RYR2: variants seen among roughly 807,000 people sequenced by gnomAD.
The protein encoded by RYR2 is cardiac muscle ryanodine receptor-calcium release channel.
RYR2 carries 227 observed loss-of-function variants against 601.1 expected under a neutral mutation model. That is an observed-to-expected ratio of 0.38 (90% CI 0.34 to 0.42). RYR2 has a LOEUF of 0.42. Among genes scored for constraint, RYR2 ranks in the 10% least tolerant of loss-of-function variants. RYR2 has a pLI of 1.00. For missense variants in RYR2, 4,646 were observed against 6,156.5 expected, an observed-to-expected ratio of 0.75 and a Z score of 8.21; for synonymous variants, 2,223 against 2,175.1, an observed-to-expected ratio of 1.02 and a Z score of -0.61.
chr1:237,543,077 A>C (rs556913264), intron 25 of RYR2, among the ~76,000 whole-genome samples: 12 of 152,316 alleles, frequency 7.9e-5, no homozygotes, highest in African/African-American at 2.9e-4. Context: ...AGAGATTTTA[A>C]TATCACAAGG....
chr1:237,791,873 C>T lies in RYR2; in HGVS notation c.13564-232C>T, dbSNP rs184838470. The T allele has an allele frequency of 4.9e-3, 2,822 of 581,710 alleles. 12 individuals carry two copies. The highest frequency in any genetic ancestry group is 4.7e-3 in the Non-Finnish European group (1,537 of 327,718). The allele number at this position is 581,710 out of a possible 1,614,324, so 36.0% of individuals were successfully genotyped here. A position where few individuals can be genotyped will look rare whatever the true frequency, so the allele number is the denominator to read the frequency against. ...CTTAGCCATCTAATTTTTTAGCATG[C>T]ATTGGAATCCTCAGAATTTTTGGTT... On this transcript the variant is annotated intron_variant, in intron 93 of 104. Transcript: ENST00000366574.
rs538410605 is a variant in RYR2 at position 237,387,448 on chromosome 1, G to A, written c.676+68G>A. 4.5e-5 allele frequency: 62 copies of A among 1,370,828 alleles called. 1 individual carries two copies. The South Asian group carries it at 7.0e-4, about 15-fold the overall frequency. The allele number at this position is 1,370,828 out of a possible 1,614,324, so 84.9% of individuals were successfully genotyped here. On this transcript the variant is annotated intron_variant, in intron 9 of 104. Coordinates refer to ENST00000366574, the MANE Select transcript of RYR2 (RefSeq NM_001035.3). Reference sequence around the variant, plus strand: ...AGTTGACAGTCATCTTTGGAATTGTGATAATGAGCTGATTGTTAATTAGAG... The same window carrying A: ...AGTTGACAGTCATCTTTGGAATTGTAATAATGAGCTGATTGTTAATTAGAG...
chr1:237,288,997 C>A (rs545797413), intron 2 of RYR2, among the ~76,000 whole-genome samples: 6 of 152,172 alleles, frequency 3.9e-5, no homozygotes, highest in African/African-American at 1.2e-4. Context: ...TCCTTTACCC[C>A]CTGTATGTTG....
Position 237,784,793 on chromosome 1 carries a change from G to A in RYR2, c.13081G>A (p.Glu4361Lys), listed in dbSNP as rs794728795. ...RKPLEAALPSEDLTDLKELTE... is the reference protein window; with the variant it reads ...RKPLEAALPSKDLTDLKELTE... ...ACCCCTGGAAGCCGCCCTGCCCTCC[G>A]AGGATCTGACCGACTTAAAGGAGCT... Residue 4361 changes from glutamate to lysine, a missense_variant, in exon 90 of 105, where the codon GAG becomes AAG. This residue lies in a region of RYR2 where 364 missense variants were observed against 442.9 expected (regional missense o/e 0.82). Transcript: ENST00000366574. The surrounding 1 kb of genome is among the most constrained non-coding windows in gnomAD (Gnocchi z 7.1). 7 of 1,610,876 alleles carry A rather than the reference G, an allele frequency of 4.3e-6. No individual in the cohort carries two copies. Among genetic ancestry groups the A allele is most frequent in the Admixed American group, 1.7e-5 (1 of 59,846 alleles).
intron 88 of RYR2, among the ~76,000 whole-genome samples, chr1:237,779,473 C>T (rs1248230517): frequency 2.6e-5 from 4 of 152,118 alleles, no homozygotes; most frequent in Non-Finnish European, 4.4e-5. Context: ...GAGTATTTGC[C>T]AGGCGGTCAG....
At position 237,801,833 on chromosome 1, in the gene RYR2, A is replaced by ATTT. The variant is rs35563566; in HGVS notation, c.14091-13_14091-11dup. On this transcript the variant is annotated intron_variant, in intron 97 of 104. Transcript: ENST00000366574. ...CTTTGGTTAATGTGCATAACTACGCATTTTTTTTTTTTGTCATTGCAGACT... is the reference window on the plus strand; with the variant it reads ...CTTTGGTTAATGTGCATAACTACGCATTTTTTTTTTTTTTTGTCATTGCAGACT... 7,420 of 1,364,882 alleles carry ATTT rather than the reference A, an allele frequency of 5.4e-3. 52 individuals are homozygous for ATTT. The highest frequency in any genetic ancestry group is 0.047 in the South Asian group (3,589 of 77,130). 84.5% of individuals were successfully genotyped at this position (1,364,882 alleles called of 1,614,324 possible).
intron 78 of RYR2, among the ~76,000 whole-genome samples, chr1:237,732,815 C>G (rs1690806715): frequency 6.6e-6 from 1 of 152,160 alleles, no homozygotes; most frequent in Admixed American, 6.6e-5. Flanking sequence ...GCTAGAGGAC[C>G]TTTATCTGCT....
intron 1 of RYR2, among the ~76,000 whole-genome samples, chr1:237,156,219 C>T (rs1032245679): frequency 3.9e-5 from 6 of 152,202 alleles, no homozygotes; most frequent in African/African-American, 7.2e-5. Flanking sequence ...AATCTATTCT[C>T]AGAAAGTTCT....
intron 66 of RYR2, 32 bp from the exon 67 acceptor site, chr1:237,705,181 G>A: frequency 6.3e-7 from 1 of 1,588,528 alleles, no homozygotes; most frequent in Admixed American, 1.7e-5. Context: ...TCACTTGGAA[G>A]ACCTTAAAAC....
At chr1:237,407,487 A>G (rs1451914481) in intron 10 of RYR2, among the ~76,000 whole-genome samples, 2 of 152,156 alleles carry the variant, frequency 1.3e-5, no homozygotes. Context: ...ACATATGAAT[A>G]GTGATACCTC....
chr1:237,812,032 A>G (rs919743303), intron 100 of RYR2, among the ~76,000 whole-genome samples: 1 of 152,082 alleles, frequency 6.6e-6, no homozygotes, highest in South Asian at 2.1e-4. Flanking sequence ...TATAAATGCT[A>G]TTGTCCCAGG....
chr1:237,508,225 T>C (rs1022370712), intron 23 of RYR2, among the ~76,000 whole-genome samples: 1 of 152,076 alleles, frequency 6.6e-6, no homozygotes, highest in African/African-American at 2.4e-5. Flanking sequence ...CCTCCCAAAG[T>C]GCTGGGATTA....
chr1:237,601,970 T>C (rs990418228), intron 34 of RYR2, 55 bp from the exon 35 acceptor site: 117 of 1,487,472 alleles, frequency 7.9e-5, no homozygotes, highest in Middle Eastern at 3.5e-4. Context: ...AGAAAAACTT[T>C]TTCCCTTGTC....
At chr1:237,491,548 G>A (rs761631684) in intron 17 of RYR2, among the ~76,000 whole-genome samples, 4 of 152,164 alleles carry the variant, frequency 2.6e-5, no homozygotes, top group Non-Finnish European at 4.4e-5. Flanking sequence ...TTCGGGTAGC[G>A]TTACCGGCTT....
chr1:237,044,643 A>ATTTT (rs10675131), intron 1 of RYR2, among the ~76,000 whole-genome samples: 12 of 147,366 alleles, frequency 8.1e-5, no homozygotes, highest in African/African-American at 2.5e-4. Context: ...GAGCAGGGGG[A>ATTTT]TTTTTTTTTT....
At chr1:237,444,875 C>T (rs1708198111) in intron 13 of RYR2, among the ~76,000 whole-genome samples, 1 of 152,042 alleles carries the variant, frequency 6.6e-6, no homozygotes, top group African/African-American at 2.4e-5. Flanking sequence ...TTGTTCAGTG[C>T]TTATTATTGA....
intron 62 of RYR2, among the ~76,000 whole-genome samples, chr1:237,684,651 C>T (rs150595873): frequency 1.8e-3 from 274 of 152,084 alleles, no homozygotes; most frequent in African/African-American, 6.3e-3. Context: ...AGGTATTTAT[C>T]GGAGTATAAG....
chr1:237,675,991 G>T (rs1471297502), intron 60 of RYR2, among the ~76,000 whole-genome samples: 1 of 152,092 alleles, frequency 6.6e-6, no homozygotes, highest in Admixed American at 6.5e-5. Context: ...TTAAAAATAT[G>T]ATTCCTGACT....
At chr1:237,077,690 C>T (rs1350188259) in intron 1 of RYR2, among the ~76,000 whole-genome samples, 2 of 150,306 alleles carry the variant, frequency 1.3e-5, no homozygotes, top group East Asian at 3.9e-4. Flanking sequence ...GACTTTAACA[C>T]CCCACTGTCA....
Sources: allele counts gnomAD v4.1 joint callset (sites outside exome capture counted in the v4.1 genomes callset), GRCh38; gene constraint gnomAD v4.1.1; regional missense constraint gnomAD v4.1.1; non-coding constraint Gnocchi (gnomAD v3.1); transcripts MANE v1.5; gene names NCBI Gene and HGNC (gene_info 2026-07-23, HGNC 2026-07-21).